Variants in KIF21A observed in about 807,000 individuals in gnomAD.
KIF21A encodes kinesin-like protein KIF21A.
A neutral mutation model predicts 202.9 loss-of-function variants in KIF21A; 114 were observed. The ratio of observed to expected loss-of-function variants is 0.56; its 90% confidence interval spans 0.48 to 0.66. The LOEUF (loss-of-function observed/expected upper bound fraction) is 0.66. Among genes scored for constraint, KIF21A ranks in the 30% least tolerant of loss-of-function variants. KIF21A has a pLI of 0.00. For synonymous variants in KIF21A, 667 were observed against 670.8 expected, an observed-to-expected ratio of 0.99 and a Z score of 0.09; for missense variants, 1,677 against 1,994.9, an observed-to-expected ratio of 0.84 and a Z score of 3.04.
intron 1 of KIF21A, among the ~76,000 whole-genome samples, chr12:39,419,348 T>C (rs1209917864): frequency 1.3e-5 from 2 of 152,232 alleles, no homozygotes; most frequent in Non-Finnish European, 2.9e-5. Flanking sequence ...AGTTAACTTA[T>C]CTAGTTACTG....
At chr12:39,348,431 A>G (rs188419636) in intron 11 of KIF21A, among the ~76,000 whole-genome samples, 120 of 152,146 alleles carry the variant, frequency 7.9e-4, no homozygotes, top group African/African-American at 2.8e-3. Flanking sequence ...AAACCTTAAA[A>G]CCTCACATAT....
At chr12:39,419,072 T>TAAGTGAATGAATAAATGTTGAAG (rs1954021667) in intron 1 of KIF21A, among the ~76,000 whole-genome samples, 2 of 152,228 alleles carry the variant, frequency 1.3e-5, no homozygotes, top group African/African-American at 4.8e-5. Context: ...TAGTATTTGT[T>TAAGTGAATGAATAAATGTTGAAG]AAGTGAATGA....
rs1341087237 is a variant in KIF21A at position 39,356,855 on chromosome 12, A to G, written c.1446T>C (p.Tyr482=). 1 of 1,242,384 alleles carries G rather than the reference A, an allele frequency of 8.0e-7. No individual in the cohort carries two copies. The allele number at this position is 1,242,384 out of a possible 1,614,324, so 77.0% of individuals were successfully genotyped here. Residue 482 remains tyrosine, a synonymous_variant, in exon 10 of 38, where the codon TAT becomes TAC. Coordinates refer to ENST00000361418, the MANE Select transcript of KIF21A (RefSeq NM_001173464.2). ...NEEISNMIHS[Y]IKEIEDLRAK... is the part of the protein sequence containing the mutation. The stretch of plus-strand genomic sequence containing the variant: ...ACCTGAGATCTTCGATTTCTTTTAT[A>G]TAACTATGAATCATATTACTAATCT...
In KIF21A at chr12:39,356,880, TC is replaced by T; in HGVS notation, c.1420del (p.Glu474ArgfsTer5). 1 of 1,297,638 alleles carries T rather than the reference TC, an allele frequency of 7.7e-7. No homozygotes were observed. Among genetic ancestry groups the T allele is most frequent in the Non-Finnish European group, 1.1e-6 (1 of 895,824 alleles). 80.4% of individuals were successfully genotyped at this position (1,297,638 alleles called of 1,614,324 possible). On this transcript the variant is annotated frameshift_variant, in exon 10 of 38. Coordinates refer to ENST00000361418, the MANE Select transcript of KIF21A (RefSeq NM_001173464.2). LOFTEE classifies it high-confidence loss of function. ...ATAACTATGAATCATATTACTAATC[TC>T]CTCATTTCCTTCACCTGAAAGACAA... is the stretch of plus-strand genomic sequence containing the variant. ...VLARAGEGNEEISNMIHSYIK... is the reference protein window; with the variant it reads ...VLARAGEGNEXISNMIHSYIK...
rs750860679 is a variant in KIF21A, at chr12:39,369,755, A to T, written c.424T>A (p.Phe142Ile). 2 of 1,612,834 alleles carry T rather than the reference A, an allele frequency of 1.2e-6. No homozygotes were observed. The highest frequency in any genetic ancestry group is 4.5e-5 in the East Asian group (2 of 44,780). The change falls in exon 3 of 38, where the codon TTT becomes ATT. Residue 142 changes from phenylalanine (F) to isoleucine (I), a missense_variant. Phe to Ile is a conservative substitution (Grantham distance 21). Coordinates refer to ENST00000361418, the MANE Select transcript of KIF21A (RefSeq NM_001173464.2). The part of the protein sequence containing the change: ...AIKNGLPAPD[F>I]KVNAQFLELY... ...TCTAAGAATTGGGCATTCACTTTAA[A>T]ATCTGGAGCAGGAAGCCCATTTTTA...
In KIF21A at chr12:39,303,121, T is replaced by C; in HGVS notation, c.4575A>G (p.Thr1525=). The C allele has an allele frequency of 1.2e-6, 2 of 1,614,024 alleles. No individual in the cohort carries two copies. Among genetic ancestry groups the C allele is most frequent in the South Asian group, 1.1e-5 (1 of 91,076 alleles). ...KDHYIKMFDV[T]EGALGTVSPT... ...GACTCACAGTCCCAAGAGCTCCTTC[T>C]GTAACATCAAACATCTAAAAAGGTA... Residue 1525 remains threonine, a synonymous_variant, in exon 36 of 38, where the codon ACA becomes ACG. Transcript: ENST00000361418.
chr12:39,335,720 A>AT, intron 17 of KIF21A, among the ~76,000 whole-genome samples: 1 of 152,238 alleles, frequency 6.6e-6, no homozygotes, highest in East Asian at 1.9e-4. Context: ...AGAATAGGCA[A>AT]TATGTTAGAA....
chr12:39,300,193 C>T (rs1942836612), intron 37 of KIF21A, among the ~76,000 whole-genome samples: 1 of 152,100 alleles, frequency 6.6e-6, no homozygotes, highest in African/African-American at 2.4e-5. Flanking sequence ...ACATGTCAAT[C>T]CCCAGGCCTC....
intron 1 of KIF21A, among the ~76,000 whole-genome samples, chr12:39,404,158 T>C (rs1005973854): frequency 2.0e-5 from 3 of 152,120 alleles, no homozygotes; most frequent in African/African-American, 7.2e-5. Context: ...ACAATCATGC[T>C]ACTCTACTAC....
At chr12:39,348,373 GA>G (rs1370661524) in intron 11 of KIF21A, among the ~76,000 whole-genome samples, 1 of 151,984 alleles carries the variant, frequency 6.6e-6, no homozygotes, top group East Asian at 1.9e-4. Context: ...TACACCTCTG[GA>G]TTATTCTACA....
Position 39,329,969 on chromosome 12 carries a change from G to T in KIF21A, c.3340+273C>A, listed in dbSNP as rs536091545. On this transcript the variant is annotated intron_variant, in intron 24 of 37. Coordinates refer to ENST00000361418, the MANE Select transcript of KIF21A (RefSeq NM_001173464.2). ...ATAAGGAAGAGAAAGAACACAGGGGGTTTATGAAACTGGAGGCACAACTGG... is the reference window on the plus strand; with the variant it reads ...ATAAGGAAGAGAAAGAACACAGGGGTTTTATGAAACTGGAGGCACAACTGG... 10 of 374,130 alleles carry T rather than the reference G, an allele frequency of 2.7e-5. No individual in the cohort carries two copies. In the Admixed American group the frequency reaches 3.4e-4, roughly 13 times the overall value. The allele number at this position is 374,130 out of a possible 1,614,324, so 23.2% of individuals were successfully genotyped here. A position where few individuals can be genotyped will look rare whatever the true frequency, so the allele number is the denominator to read the frequency against.
At chr12:39,403,757 T>C (rs1592573889) in intron 1 of KIF21A, among the ~76,000 whole-genome samples, 1 of 152,332 alleles carries the variant, frequency 6.6e-6, no homozygotes, top group East Asian at 1.9e-4. Context: ...TATTTTAACT[T>C]TCAAAGCTAT....
chr12:39,396,577 T>C (rs1431294204), intron 1 of KIF21A, among the ~76,000 whole-genome samples: 1 of 152,172 alleles, frequency 6.6e-6, no homozygotes, highest in Non-Finnish European at 1.5e-5. Context: ...GGTACACACG[T>C]ATATATACTT....
chr12:39,351,770 A>C lies in KIF21A; in HGVS notation c.1673+7T>G. On this transcript the variant is annotated splice_region_variant and intron_variant, in intron 11 of 37. Coordinates refer to ENST00000361418, the MANE Select transcript of KIF21A (RefSeq NM_001173464.2). The stretch of plus-strand genomic sequence containing the variant: ...AGATTCATTTAGTGGTGATTTTATA[A>C]TCCCACCTTTTTTTCTTCCTCTTTT... 1.3e-6 allele frequency: 2 copies of C among 1,505,292 alleles called. No individual in the cohort carries two copies. The highest frequency in any genetic ancestry group is 1.8e-6 in the Non-Finnish European group (2 of 1,084,394). 93.2% of individuals were successfully genotyped at this position (1,505,292 alleles called of 1,614,324 possible). A position where few individuals can be genotyped will look rare whatever the true frequency, so the allele number is the denominator to read the frequency against.
At chr12:39,303,178 A>G in intron 35 of KIF21A, 43 bp from the exon 36 acceptor site, 1 of 1,529,024 alleles carries the variant, frequency 6.5e-7, no homozygotes, top group African/African-American at 1.4e-5. Flanking sequence ...TTAACTTGCA[A>G]ATAAACACCA....
chr12:39,436,448 A>ATATTTT (rs1387332677), intron 1 of KIF21A, among the ~76,000 whole-genome samples: 4 of 95,758 alleles, frequency 4.2e-5, no homozygotes, highest in Non-Finnish European at 6.0e-5. Context: ...ATATATATAT[A>ATATTTT]TTTTTTTTTT....
At chr12:39,330,296 C>T (rs1379784728) in intron 23 of KIF21A, 34 bp from the exon 24 acceptor site, 2 of 1,594,910 alleles carry the variant, frequency 1.3e-6, no homozygotes, top group African/African-American at 1.3e-5. Flanking sequence ...AAACAAAAAG[C>T]AATACTCCAA....
At chr12:39,391,109 C>T (rs551186355) in intron 1 of KIF21A, among the ~76,000 whole-genome samples, 25 of 152,262 alleles carry the variant, frequency 1.6e-4, no homozygotes, top group South Asian at 1.2e-3. Context: ...CTCAGTGTAA[C>T]ACATACTGAT....
At chr12:39,323,901 G>A (rs1945563376) in intron 26 of KIF21A, among the ~76,000 whole-genome samples, 1 of 152,100 alleles carries the variant, frequency 6.6e-6, no homozygotes, top group African/African-American at 2.4e-5. Context: ...ACGAGGTCAG[G>A]AGATTGAGAC....
Sources: gnomAD v4.1 joint callset for allele counts (sites outside exome capture counted in the v4.1 genomes callset) on GRCh38, gnomAD v4.1.1 for gene constraint, MANE v1.5 for transcripts, NCBI Gene and HGNC (gene_info 2026-07-23, HGNC 2026-07-21) for gene names.